ATP12A: variants seen among roughly 807,000 people sequenced by gnomAD.
ATP12A encodes the protein ATPase H+/K+ transporting non-gastric alpha2 subunit, also known as potassium-transporting ATPase alpha chain 2.
Under a neutral mutation model 111.2 loss-of-function variants are expected in ATP12A, and 81 were observed. That is an observed-to-expected ratio of 0.73 (90% confidence interval 0.61 to 0.88). The LOEUF (loss-of-function observed/expected upper bound fraction) is 0.88. ATP12A is among the 40% of genes least tolerant of loss of function. The pLI, the probability that ATP12A is intolerant of heterozygous loss-of-function variation, is 0.00. For synonymous variants in ATP12A, 498 were observed against 499.8 expected (o/e 1.00, Z 0.05); for missense variants, 1,196 against 1,313.1 (o/e 0.91, Z 1.38).
intron 4 of ATP12A, 56 bp from the exon 5 acceptor site, chr13:24,689,206 G>A (rs1874777693): frequency 1.4e-6 from 2 of 1,424,986 alleles, no homozygotes; most frequent in Non-Finnish European, 9.9e-7. Context: ...CTAGCCCCAG[G>A]GCCCGGCTGC....
At chr13:24,680,971 A>T (rs914854452) in intron 1 of ATP12A, among the ~76,000 whole-genome samples, 1 of 152,202 alleles carries the variant, frequency 6.6e-6, no homozygotes, top group Non-Finnish European at 1.5e-5. Context: ...GGCTGGGGAA[A>T]GAAGCCAGTC....
Position 24,710,577 on chromosome 13 carries a change from C to G in ATP12A, c.2881C>G (p.Gln961Glu), listed in dbSNP as rs895306346. Reference sequence around the variant, plus strand: ...GAAAACCCGGAGGAATTCCATCTTCCAGCAGGGTCTCTTCAGGTACTGCCT... The same window carrying G: ...GAAAACCCGGAGGAATTCCATCTTCGAGCAGGGTCTCTTCAGGTACTGCCT... ...IRKTRRNSIF[Q>E]QGLFRNKVIW... The change falls in exon 20 of 23, where the codon CAG (glutamine) becomes GAG (glutamate). Residue 961 changes from glutamine to glutamate, a missense_variant. Physicochemically the swap from Gln to Glu is conservative, Grantham distance 29. Around this residue, in one of 3 missense-constraint regions of ATP12A, gnomAD observed 1,126 missense variants for 1,228.5 expected, o/e 0.92. Coordinates refer to ENST00000381946, the MANE Select transcript of ATP12A (RefSeq NM_001676.7). 3.1e-6 allele frequency: 5 copies of G among 1,614,196 alleles called. No individual in the cohort carries two copies. Among genetic ancestry groups the G allele is most frequent in the African/African-American group, 1.3e-5 (1 of 75,060 alleles).
chr13:24,691,246 T>C lies in ATP12A; in HGVS notation c.1064T>C (p.Val355Ala). 1 of 1,611,032 alleles carries C rather than the reference T, an allele frequency of 6.2e-7. No individual in the cohort carries two copies. Among genetic ancestry groups the C allele is most frequent in the Non-Finnish European group, 8.5e-7 (1 of 1,178,708 alleles). ...GTGCCCGAGGGCCTCCTGGCCACTG[T>C]CACTGTGAGTCCATGCTGTTAGACA... is the stretch of plus-strand genomic sequence containing the variant. Reference protein sequence around the residue: ...ANVPEGLLATVTVTLSLTAKR... With the variant: ...ANVPEGLLATATVTLSLTAKR... Residue 355 changes from valine (V) to alanine (A), a missense_variant, in exon 8 of 23, where the codon GTC becomes GCC. This residue lies in a region of ATP12A where 1,126 missense variants were observed against 1,228.5 expected (regional missense o/e 0.92). Coordinates refer to ENST00000381946, the MANE Select transcript of ATP12A (RefSeq NM_001676.7).
In ATP12A at chr13:24,707,418, C is replaced by T. The variant is rs753142462; in HGVS notation, c.2478C>T (p.Asp826=). The T allele has an allele frequency of 4.3e-6, 7 of 1,614,210 alleles. No individual in the cohort carries two copies. The East Asian group carries it at 1.3e-4, about 31-fold the overall frequency. Residue 826 remains aspartate, a synonymous_variant, in exon 17 of 23, where the codon GAC becomes GAT. Coordinates refer to ENST00000381946, the MANE Select transcript of ATP12A (RefSeq NM_001676.7). ...GCACCATCACCATTCTGTTCATTGA[C>T]TTGGGGACAGACATTGTAAGTGACA... The part of the protein sequence containing the change: ...PIGTITILFI[D]LGTDIIPSIA...
intron 2 of ATP12A, among the ~76,000 whole-genome samples, chr13:24,683,269 C>G (rs1211578738): frequency 2.0e-5 from 3 of 152,180 alleles, no homozygotes; most frequent in Non-Finnish European, 4.4e-5. Context: ...AAACTGGCCA[C>G]TTTAATAATA....
Position 24,700,848 on chromosome 13 carries a change from C to T in ATP12A, c.1807C>T (p.Leu603Phe). The change falls in exon 13 of 23, where the codon CTC (leucine) becomes TTC (phenylalanine). Residue 603 changes from leucine to phenylalanine, a missense_variant. Physicochemically the swap from Leu to Phe is conservative, Grantham distance 22 (BLOSUM62 0). This residue lies in a region of ATP12A where 1,126 missense variants were observed against 1,228.5 expected (regional missense o/e 0.92). Coordinates refer to ENST00000381946, the MANE Select transcript of ATP12A (RefSeq NM_001676.7). The part of the protein sequence containing the change: ...FPTSNLCFVG[L>F]LSMIDPPRST... The stretch of plus-strand genomic sequence containing the variant: ...GACCTCCAACCTCTGTTTTGTGGGA[C>T]TCTTGTCAATGATCGATCCCCCTCG... 6.2e-7 allele frequency: 1 copy of T among 1,614,180 alleles called. No individual in the cohort carries two copies. Among genetic ancestry groups the T allele is most frequent in the Non-Finnish European group, 8.5e-7 (1 of 1,180,034 alleles).
At chr13:24,691,279 C>T (rs762415807) in intron 8 of ATP12A, 29 bp downstream of exon 8, 3 of 1,587,966 alleles carry the variant, frequency 1.9e-6, no homozygotes, top group South Asian at 2.3e-5. Context: ...ACAGCCTGCA[C>T]CTGGCCCTGT....
chr13:24,684,040 C>T (rs1874578501), intron 2 of ATP12A, among the ~76,000 whole-genome samples: 1 of 152,098 alleles, frequency 6.6e-6, no homozygotes, highest in African/African-American at 2.4e-5. Flanking sequence ...CAGCAGAGGG[C>T]ACCCCAGATA....
intron 12 of ATP12A, among the ~76,000 whole-genome samples, 200 bp downstream of exon 12, chr13:24,699,050 G>A (rs1373741992): frequency 2.0e-5 from 3 of 152,214 alleles, no homozygotes; most frequent in Admixed American, 1.3e-4. Context: ...AGAGAGGCAA[G>A]CTCAGGGAAG....
chr13:24,696,043 G>A (rs530275506), intron 11 of ATP12A, among the ~76,000 whole-genome samples: 15 of 152,216 alleles, frequency 9.9e-5, no homozygotes, highest in African/African-American at 2.6e-4. Context: ...CATCTCTTAC[G>A]TAAAACCAAA....
rs570046272 is a variant in ATP12A at position 24,685,207 on chromosome 13, C to G, written c.169-107C>G. The stretch of plus-strand genomic sequence containing the variant: ...TGTCCCCCACACTCCTCGATCCCCT[C>G]CCATCCTCAGGGCTGCTACTCCCAG... On this transcript the variant is annotated intron_variant, in intron 2 of 22. Coordinates refer to ENST00000381946, the MANE Select transcript of ATP12A (RefSeq NM_001676.7). This position sits in a 1 kb window ranked among gnomAD's most constrained non-coding sequence, Gnocchi z 5.5. 9.6e-7 allele frequency: 1 copy of G among 1,043,198 alleles called. No homozygotes were observed. The highest frequency in any genetic ancestry group is 1.6e-5 in the African/African-American group (1 of 64,044). The allele number at this position is 1,043,198 out of a possible 1,614,324, so 64.6% of individuals were successfully genotyped here.
At position 24,690,729 on chromosome 13, in the gene ATP12A, G is replaced by T; in HGVS notation, c.799+8G>T. 6.2e-7 allele frequency: 1 copy of T among 1,608,750 alleles called. No homozygotes were observed. Among genetic ancestry groups the T allele is most frequent in the Non-Finnish European group, 8.5e-7 (1 of 1,176,624 alleles). The stretch of plus-strand genomic sequence containing the variant: ...CCACAACGTGTCTGGAAGGTAAAAG[G>T]CCTCTGGCTCTCAGCCCACATGTCC... On this transcript the variant is annotated splice_region_variant and intron_variant, in intron 7 of 22. Coordinates refer to ENST00000381946, the MANE Select transcript of ATP12A (RefSeq NM_001676.7).
rs764023839 is a variant in ATP12A, at chr13:24,690,653, CTGAGTTTACCCATGA to C, written c.732_746del (p.Glu245_Glu249del). ...GAGTCTGAGCCCCAGCCCCGCTCCT[CTGAGTTTACCCATGA>C]AAACCCCCTGGAAACAAAGAACATC... On this transcript the variant is annotated inframe_deletion, in exon 7 of 23. Transcript: ENST00000381946. 1 of 1,614,028 alleles carries C rather than the reference CTGAGTTTACCCATGA, an allele frequency of 6.2e-7. No homozygotes were observed. The highest frequency in any genetic ancestry group is 1.7e-5 in the Admixed American group (1 of 59,990).
Position 24,698,791 on chromosome 13 carries a change from C to T in ATP12A, c.1646C>T (p.Thr549Ile), listed in dbSNP as rs1373659570. ...GAGGAGCACCCACTGGACAAGAGCA[C>T]TGCCAAGACCTTCCACACAGCCTAC... ...NGEEHPLDKSTAKTFHTAYME... is the reference protein window; with the variant it reads ...NGEEHPLDKSIAKTFHTAYME... Residue 549 changes from threonine to isoleucine, a missense_variant, in exon 12 of 23, where the codon ACT (threonine) becomes ATT (isoleucine). Physicochemically the swap from Thr to Ile is moderately conservative, Grantham distance 89. This residue lies in a region of ATP12A where 1,126 missense variants were observed against 1,228.5 expected (regional missense o/e 0.92). Transcript: ENST00000381946. 3 of 1,614,092 alleles carry T rather than the reference C, an allele frequency of 1.9e-6. No homozygotes were observed. The highest frequency in any genetic ancestry group is 1.7e-6 in the Non-Finnish European group (2 of 1,180,026).
At chr13:24,687,200 T>C (rs7983797) in intron 3 of ATP12A, among the ~76,000 whole-genome samples, 67,385 of 151,856 alleles carry the variant, frequency 0.44, 15,737 homozygotes, top group East Asian at 0.63. Flanking sequence ...GTGGCTTAGG[T>C]CTGTAATCAT....
At chr13:24,682,927 T>A (rs1489638166) in intron 2 of ATP12A, among the ~76,000 whole-genome samples, 1 of 151,756 alleles carries the variant, frequency 6.6e-6, no homozygotes, top group East Asian at 1.9e-4. Context: ...TTATTATTAT[T>A]AAGGAAGAGC....
intron 11 of ATP12A, among the ~76,000 whole-genome samples, chr13:24,694,832 C>T (rs1373118973): frequency 6.8e-6 from 1 of 146,780 alleles, no homozygotes; most frequent in Non-Finnish European, 1.5e-5. Flanking sequence ...AATGAGCCAT[C>T]TCTGTCACAG....
At chr13:24,705,368 G>A (rs969352085) in intron 14 of ATP12A, among the ~76,000 whole-genome samples, 16 of 152,200 alleles carry the variant, frequency 1.1e-4, no homozygotes, top group Non-Finnish European at 1.6e-4. Context: ...ACCTGGGCTC[G>A]CTGGCTAAAG....
chr13:24,711,024 C>A, intron 21 of ATP12A, 131 bp downstream of exon 21: 1 of 859,712 alleles, frequency 1.2e-6, no homozygotes, highest in Non-Finnish European at 1.8e-6. Flanking sequence ...ATCCCATGCT[C>A]TGTGAGCCCA....
Sources: allele counts gnomAD v4.1 joint callset (sites outside exome capture counted in the v4.1 genomes callset), GRCh38; gene constraint gnomAD v4.1.1; regional missense constraint gnomAD v4.1.1; non-coding constraint Gnocchi (gnomAD v3.1); transcripts MANE v1.5; gene names NCBI Gene and HGNC (gene_info 2026-07-23, HGNC 2026-07-21).